The following CDH12 variants were observed in gnomAD, a reference collection of about 807,000 sequenced individuals.
CDH12 encodes the protein cadherin-12.
Under a neutral mutation model 74.1 loss-of-function variants are expected in CDH12, and 41 were observed. The observed-to-expected ratio is 0.55, with a 90% CI of 0.43 to 0.72. The LOEUF (loss-of-function observed/expected upper bound fraction) is 0.72, where lower values mean the gene tolerates loss of function less well. CDH12 is among the 30% of genes least tolerant of loss of function. The pLI, the probability that CDH12 is intolerant of heterozygous loss-of-function variation, is 0.00. For synonymous variants in CDH12, 399 were observed against 355.0 expected, an observed-to-expected ratio of 1.12 and a Z score of -1.39; for missense variants, 945 against 977.2, an observed-to-expected ratio of 0.97 and a Z score of 0.44.
chr5:22,176,517 A>C (rs1207135141), intron 4 of CDH12, among the ~76,000 whole-genome samples: 1 of 151,982 alleles, frequency 6.6e-6, no homozygotes, highest in East Asian at 1.9e-4. Flanking sequence ...TTCTCATACC[A>C]AATGCTAGGT....
At chr5:22,453,726 G>A (rs1745145509) in intron 2 of CDH12, among the ~76,000 whole-genome samples, 1 of 152,066 alleles carries the variant, frequency 6.6e-6, no homozygotes, top group Non-Finnish European at 1.5e-5. Context: ...CAAGAAGAGT[G>A]GATTTTGAGT....
At chr5:22,376,542 A>AT (rs1233109407) in intron 3 of CDH12, among the ~76,000 whole-genome samples, 1 of 151,958 alleles carries the variant, frequency 6.6e-6, no homozygotes, top group Non-Finnish European at 1.5e-5. Context: ...TTCCATTGTA[A>AT]TTTTTTTGAG....
chr5:22,302,829 C>T (rs1025661578), intron 3 of CDH12, among the ~76,000 whole-genome samples: 1 of 151,918 alleles, frequency 6.6e-6, no homozygotes, highest in African/African-American at 2.4e-5. Context: ...ATGTTAAGTG[C>T]ACTAGGAACG....
intron 1 of CDH12, among the ~76,000 whole-genome samples, chr5:22,847,618 A>G (rs1561073350): frequency 6.6e-6 from 1 of 152,158 alleles, no homozygotes; most frequent in Admixed American, 6.6e-5. Flanking sequence ...TAAAAGTATT[A>G]TTTTTGATCG....
intron 2 of CDH12, among the ~76,000 whole-genome samples, chr5:22,466,158 C>G (rs1281277212): frequency 6.6e-6 from 1 of 152,186 alleles, no homozygotes; most frequent in Non-Finnish European, 1.5e-5. Flanking sequence ...ATTTCCATCT[C>G]CAGCCCTTGG....
At chr5:22,394,572 C>T (rs555407896) in intron 3 of CDH12, among the ~76,000 whole-genome samples, 32 of 152,082 alleles carry the variant, frequency 2.1e-4, no homozygotes, top group Non-Finnish European at 4.7e-4. Flanking sequence ...GAGAAAGGAG[C>T]TGTGAGTTAC....
chr5:22,607,647 G>C (rs913634818), intron 1 of CDH12, among the ~76,000 whole-genome samples: 1 of 152,166 alleles, frequency 6.6e-6, no homozygotes, highest in Non-Finnish European at 1.5e-5. Flanking sequence ...GATTTGGTGG[G>C]GACACAGCTA....
At chr5:22,676,748 T>A (rs73742168) in intron 1 of CDH12, among the ~76,000 whole-genome samples, 17,839 of 152,176 alleles carry the variant, frequency 0.12, 1,364 homozygotes, top group Admixed American at 0.2. Flanking sequence ...AATGGATAAG[T>A]GCATATTATG....
chr5:22,258,261 T>C (rs960419718), intron 3 of CDH12, among the ~76,000 whole-genome samples: 2 of 152,122 alleles, frequency 1.3e-5, no homozygotes, highest in Admixed American at 1.3e-4. Flanking sequence ...TAAAAACCCA[T>C]TGGCCTGAAG....
chr5:22,736,376 CT>C (rs1371233539), intron 1 of CDH12, among the ~76,000 whole-genome samples: 7 of 151,274 alleles, frequency 4.6e-5, no homozygotes, highest in Admixed American at 6.6e-5. Context: ...CTGCAAAATC[CT>C]TTTTGTGTTA....
intron 9 of CDH12, among the ~76,000 whole-genome samples, 171 bp downstream of exon 9, chr5:21,816,774 T>C (rs926781410): frequency 8.6e-5 from 13 of 151,744 alleles, no homozygotes; most frequent in African/African-American, 2.7e-4. Context: ...AAAAGATACA[T>C]GCAGATTTTT....
intron 1 of CDH12, among the ~76,000 whole-genome samples, chr5:22,705,675 A>T (rs1422444517): frequency 6.6e-6 from 1 of 152,030 alleles, no homozygotes; most frequent in African/African-American, 2.4e-5. Flanking sequence ...TGGCTAAAAA[A>T]TAAAGCTATG....
chr5:21,998,789 C>T (rs1303704504), intron 5 of CDH12, among the ~76,000 whole-genome samples: 4 of 152,056 alleles, frequency 2.6e-5, no homozygotes, highest in Non-Finnish European at 4.4e-5. Context: ...AGAAGCTGTT[C>T]TACCCTTCAT....
At chr5:21,831,582 G>C (rs116205936) in intron 8 of CDH12, among the ~76,000 whole-genome samples, 2,252 of 152,218 alleles carry the variant, frequency 0.015, 24 homozygotes, top group Middle Eastern at 0.027. Context: ...GCAGGCTAAG[G>C]ACTTGTGAAC....
intron 1 of CDH12, among the ~76,000 whole-genome samples, chr5:22,654,277 G>A (rs574323981): frequency 2.3e-4 from 28 of 123,054 alleles, no homozygotes; most frequent in Admixed American, 6.7e-4. Flanking sequence ...TTTCTTTTAC[G>A]TATTTCTTTC....
chr5:22,548,920 C>A (rs1580754848), intron 1 of CDH12, among the ~76,000 whole-genome samples: 1 of 151,748 alleles, frequency 6.6e-6, no homozygotes, highest in Admixed American at 6.6e-5. Flanking sequence ...ATTTGACCAC[C>A]AAATCCAGGG....
chr5:22,206,168 C>T (rs1239602065), intron 4 of CDH12, among the ~76,000 whole-genome samples: 3 of 152,042 alleles, frequency 2.0e-5, no homozygotes, highest in Non-Finnish European at 4.4e-5. Context: ...CCCATGGCAG[C>T]CATGGGGCAG....
chr5:22,577,668 G>A (rs1739860558), intron 1 of CDH12, among the ~76,000 whole-genome samples: 3 of 152,128 alleles, frequency 2.0e-5, no homozygotes, highest in African/African-American at 7.2e-5. Flanking sequence ...AATTTACAGG[G>A]ACATCATGAG....
chr5:22,419,822 G>A (rs1743560414), intron 2 of CDH12, among the ~76,000 whole-genome samples: 1 of 152,104 alleles, frequency 6.6e-6, no homozygotes, highest in Admixed American at 6.5e-5. Context: ...GCTGTTTCTT[G>A]ACTTTTTAGT....
Sources: gnomAD v4.1 joint callset for allele counts (sites outside exome capture counted in the v4.1 genomes callset) on GRCh38, gnomAD v4.1.1 for gene constraint, MANE v1.5 for transcripts, NCBI Gene and HGNC (gene_info 2026-07-23, HGNC 2026-07-21) for gene names.